Variants in TNRC18 observed in about 807,000 individuals in gnomAD.
TNRC18 encodes trinucleotide repeat-containing gene 18 protein.
A neutral mutation model predicts 226.7 loss-of-function variants in TNRC18; 69 were observed. The observed-to-expected ratio is 0.30, with a 90% CI of 0.25 to 0.37. The LOEUF is 0.37. Among genes scored for constraint, TNRC18 ranks in the 10% least tolerant of loss-of-function variants. The pLI is 1.00. For synonymous variants in TNRC18, 2,449 were observed against 1,927.6 expected, an observed-to-expected ratio of 1.27 and a Z score of -7.09; for missense variants, 4,754 against 4,256.6, an observed-to-expected ratio of 1.12 and a Z score of -3.25.
intron 2 of TNRC18, 195 bp downstream of exon 2, chr7:5,420,865 C>T: frequency 1.3e-6 from 1 of 778,146 alleles, no homozygotes; most frequent in Non-Finnish European, 2.2e-6. Flanking sequence ...AAAAGGTAGC[C>T]GAGCCGCGCG....
chr7:5,377,330 C>T lies in TNRC18; in HGVS notation c.2461+41G>A, dbSNP rs761266199. ...GTCCTGCACCCGCCCCCTCCCACCC[C>T]TCCCTCAGAGAAGGGGAGAGACCCT... On this transcript the variant is annotated intron_variant, in intron 7 of 29. Transcript: ENST00000430969. This position sits in a 1 kb window ranked among gnomAD's most constrained non-coding sequence, Gnocchi z 5.8. The T allele has an allele frequency of 8.0e-7, 1 of 1,248,976 alleles. No individual in the cohort carries two copies. Among genetic ancestry groups the T allele is most frequent in the East Asian group, 2.6e-5 (1 of 39,118 alleles). 77.4% of individuals were successfully genotyped at this position (1,248,976 alleles called of 1,614,324 possible).
At chr7:5,327,497 A>T (rs1789054685) in intron 19 of TNRC18, among the ~76,000 whole-genome samples, 1 of 152,046 alleles carries the variant, frequency 6.6e-6, no homozygotes, top group South Asian at 2.1e-4. Flanking sequence ...GCGCTGAAAG[A>T]ATGTTAGTGG....
Position 5,421,099 on chromosome 7 carries a change from C to T in TNRC18, c.148G>A (p.Gly50Arg), listed in dbSNP as rs1254170143. The T allele has an allele frequency of 1.4e-6, 2 of 1,474,526 alleles. No homozygotes were observed. Among genetic ancestry groups the T allele is most frequent in the Admixed American group, 2.3e-5 (1 of 43,432 alleles). 91.3% of individuals were successfully genotyped at this position (1,474,526 alleles called of 1,614,324 possible). ...AGATTCAGGCCGGCCATGTACTTCC[C>T]GGGCGGCAGCGGGCCGGGCAAGCCC... ...ASGLPGPLPPGKYMAGLNLHP... is the reference protein window; with the variant it reads ...ASGLPGPLPPRKYMAGLNLHP... Residue 50 changes from glycine to arginine, a missense_variant, in exon 2 of 30, where the codon GGG becomes AGG. Transcript: ENST00000430969.
chr7:5,350,924 C>T (rs1370173402), intron 17 of TNRC18, among the ~76,000 whole-genome samples: 2 of 152,194 alleles, frequency 1.3e-5, no homozygotes, highest in African/African-American at 4.8e-5. Context: ...CTGGGCCCTG[C>T]ACTGCCTACG....
Position 5,421,390 on chromosome 7 carries a change from G to C in TNRC18, c.-144C>G, listed in dbSNP as rs1000475244. ...TGCATGGCGGCGGCCAGCGGGGCTT[G>C]CGCTCGGCGGCGGGCCCGCGGCCCG... is the stretch of plus-strand genomic sequence containing the variant. On this transcript the variant is annotated 5_prime_UTR_variant, in exon 2 of 30. Transcript: ENST00000430969. The C allele has an allele frequency of 3.1e-5, 23 of 738,032 alleles. No homozygotes were observed. The highest frequency in any genetic ancestry group is 4.0e-5 in the Non-Finnish European group (23 of 574,298). 45.7% of individuals were successfully genotyped at this position (738,032 alleles called of 1,614,324 possible). A position where few individuals can be genotyped will look rare whatever the true frequency, so the allele number is the denominator to read the frequency against.
rs1427594172 is a variant in TNRC18, at chr7:5,370,873, C to T, written c.3721G>A (p.Ala1241Thr). The T allele has an allele frequency of 1.4e-5, 23 of 1,607,932 alleles. No homozygotes were observed. Among genetic ancestry groups the T allele is most frequent in the Non-Finnish European group, 1.7e-5 (20 of 1,179,710 alleles). ...AGCTGCACCCCCAGGTCCAGGGCGGCGGTGCAGGGTTCTGTCCGGCCCGGG... is the reference window on the plus strand; with the variant it reads ...AGCTGCACCCCCAGGTCCAGGGCGGTGGTGCAGGGTTCTGTCCGGCCCGGG... ...DSPGRTEPCT[A>T]ALDLGVQLTP... Residue 1241 changes from alanine (A) to threonine (T), a missense_variant, in exon 11 of 30, where the codon GCC becomes ACC. By Grantham distance (58) the Ala-to-Thr change is moderately conservative (BLOSUM62 0). Coordinates refer to ENST00000430969, the MANE Select transcript of TNRC18 (RefSeq NM_001080495.3).
intron 2 of TNRC18, among the ~76,000 whole-genome samples, chr7:5,395,869 C>T (rs879454947): frequency 6.6e-6 from 1 of 152,120 alleles, no homozygotes; most frequent in Admixed American, 6.5e-5. Flanking sequence ...TGGTGGCGGG[C>T]ACCTGTAGTC....
intron 19 of TNRC18, among the ~76,000 whole-genome samples, chr7:5,328,190 C>T (rs566638760): frequency 6.6e-6 from 1 of 152,028 alleles, no homozygotes; most frequent in African/African-American, 2.4e-5. Context: ...TGTACTCCAG[C>T]CTGGGCCACA....
intron 18 of TNRC18, among the ~76,000 whole-genome samples, chr7:5,338,155 T>C (rs922699690): frequency 6.6e-6 from 1 of 152,190 alleles, no homozygotes; most frequent in Non-Finnish European, 1.5e-5. Flanking sequence ...AAAAGGAATG[T>C]ATATTGTTAT....
chr7:5,396,347 C>CAAA (rs921126760), intron 2 of TNRC18, among the ~76,000 whole-genome samples: 3 of 149,202 alleles, frequency 2.0e-5, no homozygotes, highest in Admixed American at 1.3e-4. Flanking sequence ...GACTCCGTCT[C>CAAA]AAAAAAAAAC....
rs1039079873 is a variant in TNRC18, at chr7:5,374,300, G to A, written c.2984C>T (p.Ser995Leu). ...TYGKAVSPPPSPRASPVAALK... is the reference protein window; with the variant it reads ...TYGKAVSPPPLPRASPVAALK... The stretch of plus-strand genomic sequence containing the variant: ...GGCAGCCACAGGGGATGCGCGGGGT[G>A]ATGGTGGCGGGCTCACGGCCTTGCC... The change falls in exon 10 of 30, where the codon TCA (serine) becomes TTA (leucine). Residue 995 changes from serine (S) to leucine (L), a missense_variant. Coordinates refer to ENST00000430969, the MANE Select transcript of TNRC18 (RefSeq NM_001080495.3). The A allele has an allele frequency of 2.1e-6, 3 of 1,455,152 alleles. No homozygotes were observed. The highest frequency in any genetic ancestry group is 2.9e-5 in the South Asian group (2 of 68,702). The allele number at this position is 1,455,152 out of a possible 1,614,324, so 90.1% of individuals were successfully genotyped here.
In TNRC18 at chr7:5,313,046, G is replaced by A. The variant is rs1301467358; in HGVS notation, c.7845C>T (p.Ser2615=). ...ASSRAASPAS[S]SSSSSSSSSS... ...AGGAGGAGGAGGATGAGGAGGAGGA[G>A]GAGGAGGCCGGTGAGGCCGCCCTGG... is the stretch of plus-strand genomic sequence containing the variant. Residue 2615 remains serine, a synonymous_variant, in exon 27 of 30, where the codon TCC becomes TCT. Transcript: ENST00000430969. 1 of 984,332 alleles carries A rather than the reference G, an allele frequency of 1.0e-6. No homozygotes were observed. The highest frequency in any genetic ancestry group is 1.6e-6 in the Non-Finnish European group (1 of 642,238). 61.0% of individuals were successfully genotyped at this position (984,332 alleles called of 1,614,324 possible). A position where few individuals can be genotyped will look rare whatever the true frequency, so the allele number is the denominator to read the frequency against.
At position 5,371,007 on chromosome 7, in the gene TNRC18, C is replaced by T; in HGVS notation, c.3587G>A (p.Cys1196Tyr). The change falls in exon 11 of 30, where the codon TGT becomes TAT. Residue 1196 changes from cysteine (C) to tyrosine (Y), a missense_variant. Physicochemically the swap from Cys to Tyr is radical, Grantham distance 194 (BLOSUM62 -2). Coordinates refer to ENST00000430969, the MANE Select transcript of TNRC18 (RefSeq NM_001080495.3). ...CTGGGCCTCCAACAGGCCACCTCCA[C>T]AACCCCCTGCAGGGCTGGGGGTAGC... is the stretch of plus-strand genomic sequence containing the variant. ...AMATPSPAGG[C>Y]GGGLLEAQAL... 2 of 1,607,856 alleles carry T rather than the reference C, an allele frequency of 1.2e-6. No homozygotes were observed. Among genetic ancestry groups the T allele is most frequent in the Non-Finnish European group, 1.7e-6 (2 of 1,179,728 alleles).
intron 2 of TNRC18, among the ~76,000 whole-genome samples, chr7:5,397,362 C>A (rs919283782): frequency 1.3e-5 from 2 of 152,242 alleles, no homozygotes; most frequent in Non-Finnish European, 2.9e-5. Flanking sequence ...CCCAGGCCGG[C>A]CCCTGCCCGG....
At chr7:5,420,384 A>G (rs1479894467) in intron 2 of TNRC18, 1 of 455,504 alleles carries the variant, frequency 2.2e-6, no homozygotes, top group East Asian at 7.0e-5. Flanking sequence ...GCACCTCCGC[A>G]CCCTCTTTCG....
chr7:5,361,698 T>C lies in TNRC18; in HGVS notation c.4557A>G (p.Arg1519=). ...TGCCAGGGCCTCTGCGTGCCAAGCT[T>C]CTATGGGGTTCCTCGCGCCTGTCCC... ...DSEDRREEPH[R]SLARRGPGRP... The change falls in exon 14 of 30, where the codon AGA becomes AGG. Residue 1519 remains arginine, a synonymous_variant. Transcript: ENST00000430969. 6.4e-7 allele frequency: 1 copy of C among 1,567,592 alleles called. No homozygotes were observed. Among genetic ancestry groups the C allele is most frequent in the Non-Finnish European group, 8.6e-7 (1 of 1,156,956 alleles).
rs774906855 is a variant in TNRC18 at position 5,345,576 on chromosome 7, C to T, written c.5705G>A (p.Arg1902Gln). The T allele has an allele frequency of 2.6e-6, 4 of 1,513,560 alleles. No individual in the cohort carries two copies. Among genetic ancestry groups the T allele is most frequent in the East Asian group, 2.6e-5 (1 of 38,200 alleles). The allele number at this position is 1,513,560 out of a possible 1,614,324, so 93.8% of individuals were successfully genotyped here. Residue 1902 changes from arginine to glutamine, a missense_variant, in exon 18 of 30, where the codon CGG becomes CAG. Physicochemically the swap from Arg to Gln is conservative, Grantham distance 43. Coordinates refer to ENST00000430969, the MANE Select transcript of TNRC18 (RefSeq NM_001080495.3). ...CTGCCACTTACCCAGCAGGCTCTGCCGCTCCTCTTTCTTCCGGGCCTTCTG... is the reference window on the plus strand; with the variant it reads ...CTGCCACTTACCCAGCAGGCTCTGCTGCTCCTCTTTCTTCCGGGCCTTCTG... ...AKQKARKKEE[R>Q]QSLLGTEFEY...
intron 4 of TNRC18, 173 bp from the exon 5 acceptor site, chr7:5,389,509 C>T: frequency 1.2e-6 from 1 of 847,102 alleles, no homozygotes; most frequent in Non-Finnish European, 1.5e-6. Flanking sequence ...GGCTGGAGTA[C>T]AGTGGCGCAA....
rs529161986 is a variant in TNRC18, at chr7:5,347,952, C to G, written c.5471-2142G>C. On this transcript the variant is annotated intron_variant, in intron 17 of 29. Coordinates refer to ENST00000430969, the MANE Select transcript of TNRC18 (RefSeq NM_001080495.3). ...TAGGTGACAGAGCAAGACTCCGTCT[C>G]AAAAAATAATAATAAGTAATAAAAA... is the stretch of plus-strand genomic sequence containing the variant. 2.6e-5 allele frequency among the ~76,000 whole-genome samples: 4 copies of G among 152,178 alleles called. 1 individual carries two copies.
Sources: allele counts gnomAD v4.1 joint callset (sites outside exome capture counted in the v4.1 genomes callset), GRCh38; gene constraint gnomAD v4.1.1; non-coding constraint Gnocchi (gnomAD v3.1); transcripts MANE v1.5; gene names NCBI Gene and HGNC (gene_info 2026-07-23, HGNC 2026-07-21).